The following PCLO variants were observed in gnomAD, a reference collection of about 807,000 sequenced individuals.
The protein encoded by PCLO is protein piccolo.
A neutral mutation model predicts 427.5 loss-of-function variants in PCLO; 82 were observed. The observed-to-expected ratio is 0.19, with a 90% CI of 0.16 to 0.23. The LOEUF (loss-of-function observed/expected upper bound fraction) is 0.23, where lower values mean the gene tolerates loss of function less well. PCLO is among the 10% of genes least tolerant of loss of function. The probability of loss-of-function intolerance (pLI) is 1.00; values close to 1 mark genes in which losing one functional copy is unlikely to be tolerated. For synonymous variants in PCLO, 2,357 were observed against 2,155.4 expected, an observed-to-expected ratio of 1.09 and a Z score of -2.59; for missense variants, 6,239 against 6,115.9, an observed-to-expected ratio of 1.02 and a Z score of -0.67.
chr7:82,858,772 C>T (rs770386384), intron 10 of PCLO, among the ~76,000 whole-genome samples: 2 of 151,994 alleles, frequency 1.3e-5, no homozygotes, highest in African/African-American at 4.8e-5. Context: ...GGTGAAAAAT[C>T]TATGCACTGA....
chr7:82,911,533 G>A (rs1300942147), intron 7 of PCLO, among the ~76,000 whole-genome samples: 1 of 151,908 alleles, frequency 6.6e-6, no homozygotes, highest in African/African-American at 2.4e-5. Flanking sequence ...GCAGGCTACA[G>A]TTACATAAAC....
intron 3 of PCLO, among the ~76,000 whole-genome samples, chr7:83,029,277 A>C (rs1788593633): frequency 6.7e-6 from 1 of 149,772 alleles, no homozygotes; most frequent in Admixed American, 6.7e-5. Flanking sequence ...AAAAAAAAAC[A>C]ACCCCATCAA....
At chr7:83,120,402 GAAAAA>G (rs35143407) in intron 3 of PCLO, among the ~76,000 whole-genome samples, 2 of 80,792 alleles carry the variant, frequency 2.5e-5, no homozygotes, top group African/African-American at 9.0e-5. Context: ...CTCTGCCTCA[GAAAAA>G]AAAAAAAAAA....
chr7:83,092,756 T>C (rs1790410259), intron 3 of PCLO, among the ~76,000 whole-genome samples: 1 of 152,034 alleles, frequency 6.6e-6, no homozygotes, highest in Non-Finnish European at 1.5e-5. Context: ...GAGACCAGCC[T>C]GGCCAACATG....
chr7:82,975,385 C>T (rs1420209388), intron 3 of PCLO, among the ~76,000 whole-genome samples: 2 of 152,040 alleles, frequency 1.3e-5, no homozygotes, highest in East Asian at 3.9e-4. Context: ...AAATTTAAGC[C>T]TCATTCTGGA....
intron 16 of PCLO, among the ~76,000 whole-genome samples, chr7:82,828,733 C>T (rs920222972): frequency 1.3e-5 from 2 of 152,126 alleles, no homozygotes; most frequent in Non-Finnish European, 2.9e-5. Context: ...TGGCACCAAC[C>T]TGCTGATGGG....
At chr7:83,024,376 C>G (rs1788427946) in intron 3 of PCLO, among the ~76,000 whole-genome samples, 1 of 152,206 alleles carries the variant, frequency 6.6e-6, no homozygotes, top group Admixed American at 6.5e-5. Context: ...TCACTCCCAC[C>G]CGAATACTGC....
intron 6 of PCLO, among the ~76,000 whole-genome samples, chr7:82,947,097 T>C (rs915425084): frequency 1.3e-5 from 2 of 152,164 alleles, no homozygotes; most frequent in African/African-American, 4.8e-5. Context: ...TCTGAAACTT[T>C]GTCCATTTAT....
intron 14 of PCLO, among the ~76,000 whole-genome samples, chr7:82,838,680 T>C: frequency 6.6e-6 from 1 of 152,070 alleles, no homozygotes; most frequent in East Asian, 1.9e-4. Flanking sequence ...TTAATGTTTA[T>C]TAACAACAAT....
chr7:82,966,576 C>T, intron 3 of PCLO, 89 bp from the exon 4 acceptor site: 1 of 706,978 alleles, frequency 1.4e-6, no homozygotes, highest in South Asian at 2.9e-5. Flanking sequence ...TTGGCAATTC[C>T]TATCTGCTGT....
At chr7:83,069,316 G>A (rs191836570) in intron 3 of PCLO, among the ~76,000 whole-genome samples, 1 of 152,102 alleles carries the variant, frequency 6.6e-6, no homozygotes, top group Admixed American at 6.5e-5. Flanking sequence ...CTGTATCATT[G>A]ATTCATTTGG....
At chr7:83,116,606 G>A (rs968454688) in intron 3 of PCLO, among the ~76,000 whole-genome samples, 1 of 152,068 alleles carries the variant, frequency 6.6e-6, no homozygotes, top group Non-Finnish European at 1.5e-5. Flanking sequence ...ACTAACATAT[G>A]TTTGACCTCA....
chr7:83,127,651 T>G (rs1266696133), intron 3 of PCLO, among the ~76,000 whole-genome samples: 1 of 152,124 alleles, frequency 6.6e-6, no homozygotes, highest in Non-Finnish European at 1.5e-5. Flanking sequence ...TGTAATATTC[T>G]GCATTTCTCA....
intron 13 of PCLO, among the ~76,000 whole-genome samples, chr7:82,843,398 A>C (rs578261013): frequency 2.0e-5 from 3 of 152,230 alleles, no homozygotes; most frequent in African/African-American, 7.2e-5. Context: ...CCAGGGGCTA[A>C]GAGAAAAGGA....
chr7:82,822,542 G>T lies in PCLO; in HGVS notation c.14744C>A (p.Ala4915Asp). The change falls in exon 20 of 25, where the codon GCC becomes GAC. Residue 4915 changes from alanine (A) to aspartate (D), a missense_variant. Coordinates refer to ENST00000333891, the MANE Select transcript of PCLO (RefSeq NM_033026.6). ...CACGGCAGCTTCGGCAGCAGCTATGGCAGCCCCTGCATCTTCCAGGTGGGT... is the reference window on the plus strand; with the variant it reads ...CACGGCAGCTTCGGCAGCAGCTATGTCAGCCCCTGCATCTTCCAGGTGGGT... ...TQTHLEDAGA[A>D]IAAAEAAVQQ... 1 of 1,613,894 alleles carries T rather than the reference G, an allele frequency of 6.2e-7. No individual in the cohort carries two copies. Among genetic ancestry groups the T allele is most frequent in the Non-Finnish European group, 8.5e-7 (1 of 1,179,866 alleles).
intron 3 of PCLO, among the ~76,000 whole-genome samples, chr7:83,133,647 T>C (rs1036424949): frequency 7.3e-5 from 11 of 150,564 alleles, no homozygotes; most frequent in Non-Finnish European, 1.2e-4. Context: ...TGCCCAATAA[T>C]ATTTCAAACA....
At chr7:83,041,918 G>T (rs1788983095) in intron 3 of PCLO, among the ~76,000 whole-genome samples, 1 of 152,010 alleles carries the variant, frequency 6.6e-6, no homozygotes, top group Admixed American at 6.6e-5. Flanking sequence ...GGCTTTCAAA[G>T]ATATATGTTT....
At chr7:82,968,517 C>CTTTTTTTTT (rs11324005) in intron 3 of PCLO, among the ~76,000 whole-genome samples, 2 of 73,228 alleles carry the variant, frequency 2.7e-5, no homozygotes, top group African/African-American at 9.6e-5. Context: ...CAGAGTCTGA[C>CTTTTTTTTT]TTTTTTTTTT....
intron 3 of PCLO, among the ~76,000 whole-genome samples, chr7:82,969,189 T>C (rs1395363475): frequency 6.6e-6 from 1 of 152,314 alleles, no homozygotes; most frequent in African/African-American, 2.4e-5. Flanking sequence ...AGTATACTCA[T>C]TATTTTCCTA....
Sources: gnomAD v4.1 joint callset for allele counts (sites outside exome capture counted in the v4.1 genomes callset) on GRCh38, gnomAD v4.1.1 for gene constraint, MANE v1.5 for transcripts, NCBI Gene and HGNC (gene_info 2026-07-23, HGNC 2026-07-21) for gene names.